Variants in SOX5 observed in about 807,000 individuals in gnomAD.
SOX5 encodes SRY-box transcription factor 5.
Under a neutral mutation model 92.0 loss-of-function variants are expected in SOX5, and 9 were observed. The observed-to-expected ratio is 0.10, with a 90% CI of 0.06 to 0.17. The LOEUF is 0.17. Among genes scored for constraint, SOX5 ranks in the 10% least tolerant of loss-of-function variants. The pLI, the probability that SOX5 is intolerant of heterozygous loss-of-function variation, is 1.00. For missense variants in SOX5, 642 were observed against 944.5 expected, an observed-to-expected ratio of 0.68 and a Z score of 4.20; for synonymous variants, 344 against 336.3, an observed-to-expected ratio of 1.02 and a Z score of -0.25.
chr12:24,403,352 T>A (rs999598677), intron 1 of SOX5, among the ~76,000 whole-genome samples: 14 of 152,210 alleles, frequency 9.2e-5, no homozygotes, highest in African/African-American at 3.1e-4. Flanking sequence ...TCAAATCTCC[T>A]TAAGGACGGA....
At chr12:23,947,426 T>C (rs1297067266) in intron 1 of SOX5, among the ~76,000 whole-genome samples, 2 of 151,924 alleles carry the variant, frequency 1.3e-5, no homozygotes, top group Admixed American at 1.3e-4. Context: ...ATATTCAATA[T>C]TGTGTCTACA....
chr12:23,605,031 C>A (rs536278487), intron 8 of SOX5, among the ~76,000 whole-genome samples: 7 of 75,160 alleles, frequency 9.3e-5, no homozygotes, highest in African/African-American at 3.2e-4. Context: ...TGAAAGGCAA[C>A]GGGAAAAAAG....
At chr12:23,742,402 A>C (rs74069177) in intron 4 of SOX5, among the ~76,000 whole-genome samples, 1 of 152,172 alleles carries the variant, frequency 6.6e-6, no homozygotes, top group Admixed American at 6.5e-5. Flanking sequence ...GTAGTCAATA[A>C]TGTGTTGCTA....
At chr12:24,187,025 GGAA>G (rs766374269) in intron 4 of SOX5, among the ~76,000 whole-genome samples, 6 of 152,078 alleles carry the variant, frequency 3.9e-5, no homozygotes, top group East Asian at 1.9e-4. Flanking sequence ...AAGACCACCA[GGAA>G]GAAGAAGAAG....
At chr12:23,957,569 T>C (rs1362220254) in intron 4 of SOX5, among the ~76,000 whole-genome samples, 1 of 152,206 alleles carries the variant, frequency 6.6e-6, no homozygotes, top group East Asian at 1.9e-4. Context: ...AACTAAAAAG[T>C]TGTAATGTTA....
chr12:23,590,377 G>A (rs1951364746), intron 9 of SOX5, among the ~76,000 whole-genome samples: 2 of 151,934 alleles, frequency 1.3e-5, no homozygotes, highest in African/African-American at 4.8e-5. Context: ...AAGTTCTACA[G>A]ATGTATTACA....
intron 1 of SOX5, among the ~76,000 whole-genome samples, chr12:23,930,256 C>T (rs1941093750): frequency 6.6e-6 from 1 of 151,764 alleles, no homozygotes; most frequent in Non-Finnish European, 1.5e-5. Flanking sequence ...TTTATTCAAA[C>T]CCATTTAAAA....
At chr12:23,848,048 A>C (rs2096593777) in intron 2 of SOX5, among the ~76,000 whole-genome samples, 1 of 152,156 alleles carries the variant, frequency 6.6e-6, no homozygotes, top group Admixed American at 6.6e-5. Flanking sequence ...CAAACAGAAT[A>C]TTGCGAAACC....
intron 4 of SOX5, among the ~76,000 whole-genome samples, chr12:24,175,377 G>T (rs1263103613): frequency 6.6e-6 from 1 of 152,154 alleles, no homozygotes; most frequent in Admixed American, 6.5e-5. Context: ...TGGATATTTG[G>T]GGTGACAGTG....
At chr12:23,748,865 A>C (rs1040224242) in intron 4 of SOX5, among the ~76,000 whole-genome samples, 1 of 151,994 alleles carries the variant, frequency 6.6e-6, no homozygotes, top group Non-Finnish European at 1.5e-5. Flanking sequence ...ATGAAGAACT[A>C]CTACTAGGCT....
intron 7 of SOX5, among the ~76,000 whole-genome samples, chr12:23,653,961 A>C (rs1027958313): frequency 6.6e-6 from 1 of 152,150 alleles, no homozygotes; most frequent in Non-Finnish European, 1.5e-5. Context: ...GACTGAATAA[A>C]TGAAGGAAGA....
At chr12:24,225,312 G>A (rs1432569306) in intron 3 of SOX5, among the ~76,000 whole-genome samples, 1 of 152,124 alleles carries the variant, frequency 6.6e-6, no homozygotes, top group African/African-American at 2.4e-5. Flanking sequence ...TCCAATACAA[G>A]CCAGTTTTTC....
At chr12:23,999,881 A>G (rs887724064) in intron 4 of SOX5, among the ~76,000 whole-genome samples, 15 of 151,972 alleles carry the variant, frequency 9.9e-5, no homozygotes, top group African/African-American at 2.2e-4. Context: ...AATACTAAAG[A>G]AAGTCCTTTG....
chr12:23,939,679 G>A (rs1451886419), intron 1 of SOX5, among the ~76,000 whole-genome samples: 1 of 150,406 alleles, frequency 6.6e-6, no homozygotes, highest in African/African-American at 2.4e-5. Context: ...TTCCAACACT[G>A]CATTAAAAAA....
chr12:24,495,543 A>C (rs921472354), intron 1 of SOX5, among the ~76,000 whole-genome samples: 3 of 152,194 alleles, frequency 2.0e-5, no homozygotes, highest in Non-Finnish European at 2.9e-5. Flanking sequence ...ACAAATCTGG[A>C]TGTTGATTTC....
At position 23,960,327 on chromosome 12, in the gene SOX5, A is replaced by T. The variant is rs571660665; in HGVS notation, c.-1-64303T>A. On this transcript the variant is annotated intron_variant, in intron 4 of 4. Transcript: ENST00000446891. ...TGGCACTCTTATATATTACTAGTAT[A>T]AATGTATACTGAAACAAGCTTTATG... 1.6e-3 allele frequency among the ~76,000 whole-genome samples: 247 copies of T among 152,168 alleles called. 2 individuals are homozygous for T. Among genetic ancestry groups the T allele is most frequent in the African/African-American group, 5.5e-3 (228 of 41,516 alleles).
chr12:24,053,443 TATATC>T (rs1957785511), intron 4 of SOX5, among the ~76,000 whole-genome samples: 1 of 148,470 alleles, frequency 6.7e-6, no homozygotes, highest in Non-Finnish European at 1.5e-5. Context: ...TACTCTCTCT[TATATC>T]ATACACATAT....
In SOX5 at chr12:23,988,852, G is replaced by A. The variant is rs16926932; in HGVS notation, c.-1-92828C>T. Among the ~76,000 whole-genome samples the A allele has an allele frequency of 8.3e-3, 1,267 of 152,264 alleles. 25 individuals carry two copies. The highest frequency in any genetic ancestry group is 0.029 in the African/African-American group (1,206 of 41,562). Reference sequence around the variant, plus strand: ...TCTAAGTCACCGAGGTACAAGTCTAGTTGGAGCAATACAGAGTCTCTTTTC... The same window carrying A: ...TCTAAGTCACCGAGGTACAAGTCTAATTGGAGCAATACAGAGTCTCTTTTC... On this transcript the variant is annotated intron_variant, in intron 4 of 4. Transcript: ENST00000446891.
At chr12:23,807,502 G>A (rs912160620) in intron 3 of SOX5, among the ~76,000 whole-genome samples, 5 of 152,132 alleles carry the variant, frequency 3.3e-5, no homozygotes. Flanking sequence ...AAGCCAAGAA[G>A]TATCAAGGCT....
Sources: allele counts gnomAD v4.1 joint callset (sites outside exome capture counted in the v4.1 genomes callset), GRCh38; gene constraint gnomAD v4.1.1; transcripts MANE v1.5; gene names NCBI Gene and HGNC (gene_info 2026-07-23, HGNC 2026-07-21).